SRGAP3: variants seen among roughly 807,000 people sequenced by gnomAD.
SRGAP3 encodes the protein SLIT-ROBO Rho GTPase-activating protein 3.
A neutral mutation model predicts 121.1 loss-of-function variants in SRGAP3; 39 were observed. The ratio of observed to expected loss-of-function variants is 0.32; its 90% confidence interval spans 0.25 to 0.42. The LOEUF (loss-of-function observed/expected upper bound fraction) is 0.42. Ranked by LOEUF, SRGAP3 falls within the 10% of genes least tolerant of loss-of-function variation. SRGAP3 has a pLI of 1.00. For missense variants in SRGAP3, 1,213 were observed against 1,470.6 expected (o/e 0.82, Z 2.86); for synonymous variants, 601 against 570.0 (o/e 1.05, Z -0.77).
At chr3:9,009,408 C>T (rs1943245758) in intron 18 of SRGAP3, among the ~76,000 whole-genome samples, 1 of 152,112 alleles carries the variant, frequency 6.6e-6, no homozygotes, top group Non-Finnish European at 1.5e-5. Flanking sequence ...GTCCTAGGCC[C>T]TTTTGCCTGC....
Position 9,114,679 on chromosome 3 carries a change from G to C in SRGAP3, c.261-9837C>G, listed in dbSNP as rs184177324. Among the ~76,000 whole-genome samples the C allele has an allele frequency of 2.1e-4, 32 of 152,324 alleles. No individual in the cohort carries two copies. The East Asian group carries it at 5.8e-3, about 28-fold the overall frequency. On this transcript the variant is annotated intron_variant, in intron 2 of 21. Coordinates refer to ENST00000383836, the MANE Select transcript of SRGAP3 (RefSeq NM_014850.4). ...CAGAGCAAAAAACTCTGCCTCATAG[G>C]CAATGCCTGGTCAACCTCAACTCTT... is the stretch of plus-strand genomic sequence containing the variant.
chr3:9,155,361 T>G (rs980874524), intron 1 of SRGAP3, among the ~76,000 whole-genome samples: 2 of 152,238 alleles, frequency 1.3e-5, no homozygotes, highest in Admixed American at 6.5e-5. Context: ...GAAGTTGCAC[T>G]ACAATCTGTC....
intron 7 of SRGAP3, 31 bp downstream of exon 7, chr3:9,058,220 C>T: frequency 6.2e-7 from 1 of 1,611,056 alleles, no homozygotes. Context: ...AGGGAAGCAG[C>T]CCCAAGCCCG....
intron 18 of SRGAP3, among the ~76,000 whole-genome samples, chr3:9,002,953 C>T (rs990319972): frequency 6.6e-6 from 1 of 152,136 alleles, no homozygotes; most frequent in Non-Finnish European, 1.5e-5. Flanking sequence ...AAACTACCCA[C>T]AAATAAATGC....
intron 1 of SRGAP3, 168 bp from the exon 2 acceptor site, chr3:9,125,085 C>A: frequency 1.3e-6 from 1 of 745,538 alleles, no homozygotes; most frequent in Non-Finnish European, 2.2e-6. Flanking sequence ...AGAGCATTGG[C>A]ACAAAGATTT....
At chr3:9,161,298 T>G (rs1486452462) in intron 1 of SRGAP3, among the ~76,000 whole-genome samples, 1 of 152,226 alleles carries the variant, frequency 6.6e-6, no homozygotes, top group East Asian at 1.9e-4. Flanking sequence ...GCTGATATGC[T>G]CCACTGAAAA....
chr3:9,350,680 T>G (rs1420782476), intron 1 of SRGAP3, among the ~76,000 whole-genome samples: 3 of 152,210 alleles, frequency 2.0e-5, no homozygotes, highest in Non-Finnish European at 4.4e-5. Flanking sequence ...TCTGTTTTAA[T>G]AAAGAGATCA....
intron 1 of SRGAP3, among the ~76,000 whole-genome samples, chr3:9,196,449 A>G (rs1951918563): frequency 6.6e-6 from 1 of 152,222 alleles, no homozygotes; most frequent in African/African-American, 2.4e-5. Flanking sequence ...TTCAGTTGTA[A>G]AAGAGTAAAT....
intron 1 of SRGAP3, among the ~76,000 whole-genome samples, chr3:9,168,744 A>C (rs1950879176): frequency 1.3e-5 from 2 of 152,268 alleles, no homozygotes; most frequent in Admixed American, 6.5e-5. Context: ...ATATGAGGAA[A>C]GAGAGAAGGG....
At chr3:9,021,500 C>T (rs968726504) in intron 14 of SRGAP3, among the ~76,000 whole-genome samples, 4 of 151,054 alleles carry the variant, frequency 2.6e-5, no homozygotes, top group South Asian at 2.1e-4. Context: ...GATTTACTGA[C>T]GACAACAACA....
chr3:9,023,906 G>C (rs1308453685), intron 14 of SRGAP3, among the ~76,000 whole-genome samples: 1 of 152,186 alleles, frequency 6.6e-6, no homozygotes, highest in Non-Finnish European at 1.5e-5. Flanking sequence ...TTCCAAGCCA[G>C]AGCACCTACA....
chr3:9,043,936 A>C (rs1356294970), intron 10 of SRGAP3, among the ~76,000 whole-genome samples: 1 of 152,154 alleles, frequency 6.6e-6, no homozygotes, highest in Non-Finnish European at 1.5e-5. Context: ...AGAGCAATAA[A>C]AAGGTTATAA....
At chr3:9,319,263 C>T (rs941168041) in intron 3 of SRGAP3, among the ~76,000 whole-genome samples, 1 of 151,882 alleles carries the variant, frequency 6.6e-6, no homozygotes, top group Non-Finnish European at 1.5e-5. Context: ...GAATTCAAGG[C>T]TCATTCCTTT....
chr3:9,312,724 C>T (rs1955269905), intron 3 of SRGAP3, among the ~76,000 whole-genome samples: 1 of 152,280 alleles, frequency 6.6e-6, no homozygotes, highest in Admixed American at 6.5e-5. Flanking sequence ...GTGATTCACA[C>T]CTGTAATCCC....
chr3:9,056,926 G>C (rs1263963546), intron 7 of SRGAP3, among the ~76,000 whole-genome samples: 1 of 152,132 alleles, frequency 6.6e-6, no homozygotes, highest in Admixed American at 6.5e-5. Context: ...CTGTCACCCA[G>C]GCTGGAATGC....
At chr3:9,346,729 T>C (rs371600755) in intron 1 of SRGAP3, among the ~76,000 whole-genome samples, 4 of 150,390 alleles carry the variant, frequency 2.7e-5, no homozygotes, top group East Asian at 2.0e-4. Flanking sequence ...GGAACAAGAA[T>C]AGAGCAACTA....
At chr3:9,021,443 G>A (rs975650433) in intron 14 of SRGAP3, among the ~76,000 whole-genome samples, 1 of 151,478 alleles carries the variant, frequency 6.6e-6, no homozygotes, top group African/African-American at 2.4e-5. Flanking sequence ...CCTTCATTTT[G>A]CCAGAAGATT....
intron 1 of SRGAP3, among the ~76,000 whole-genome samples, chr3:9,176,163 A>C (rs930120420): frequency 6.6e-6 from 1 of 151,768 alleles, no homozygotes; most frequent in Non-Finnish European, 1.5e-5. Flanking sequence ...CTCATAATCC[A>C]CCCGCCTCGG....
chr3:9,251,158 G>A (rs1251021271), upstream of SRGAP3, among the ~76,000 whole-genome samples: 1 of 151,588 alleles, frequency 6.6e-6, no homozygotes, highest in South Asian at 2.1e-4. Flanking sequence ...AGGCGGGGCA[G>A]GATGTTCTCC....
Sources: gnomAD v4.1 joint callset for allele counts (sites outside exome capture counted in the v4.1 genomes callset) on GRCh38, gnomAD v4.1.1 for gene constraint, MANE v1.5 for transcripts, NCBI Gene and HGNC (gene_info 2026-07-23, HGNC 2026-07-21) for gene names.